Variants in PRKCI observed in about 807,000 individuals in gnomAD.
PRKCI encodes protein kinase C iota type.
Under a neutral mutation model 84.0 loss-of-function variants are expected in PRKCI, and 43 were observed. The ratio of observed to expected loss-of-function variants is 0.51; its 90% CI spans 0.40 to 0.66. PRKCI has a LOEUF of 0.66. PRKCI is among the 30% of genes least tolerant of loss of function. PRKCI has a pLI of 0.00. For synonymous variants in PRKCI, 216 were observed against 234.4 expected (o/e 0.92, Z 0.72); for missense variants, 459 against 745.6 (o/e 0.62, Z 4.48).
At chr3:170,267,746 T>G (rs1014444804) in intron 4 of PRKCI, among the ~76,000 whole-genome samples, 169 bp from the exon 5 acceptor site, 1 of 151,984 alleles carries the variant, frequency 6.6e-6, no homozygotes, top group African/African-American at 2.4e-5. Flanking sequence ...GTGGTCTTTA[T>G]TTTTCTTTGG....
At chr3:170,291,319 C>T (rs190208672) in intron 12 of PRKCI, among the ~76,000 whole-genome samples, 3 of 152,218 alleles carry the variant, frequency 2.0e-5, no homozygotes, top group East Asian at 1.9e-4. Context: ...AAATTCAAGT[C>T]GTACCTTAAT....
At position 170,250,477 on chromosome 3, in the gene PRKCI, A is replaced by T. The variant is rs146214738; in HGVS notation, c.224-9492A>T. Among the ~76,000 whole-genome samples the T allele has an allele frequency of 2.4e-4, 27 of 112,704 alleles. No homozygotes were observed. In the East Asian group the frequency reaches 6.4e-3, roughly 27 times the overall value. The allele number at this position is 112,704 out of a possible 152,430, so 73.9% of individuals were successfully genotyped here. A position where few individuals can be genotyped will look rare whatever the true frequency, so the allele number is the denominator to read the frequency against. Reference sequence around the variant, plus strand: ...AATCTCGTGTCTATTAGCAGTTGCTACTTGTTTCCCCCCTACCCCTTTCTC... The same window carrying T: ...AATCTCGTGTCTATTAGCAGTTGCTTCTTGTTTCCCCCCTACCCCTTTCTC... On this transcript the variant is annotated intron_variant, in intron 2 of 17. Transcript: ENST00000295797.
chr3:170,267,122 G>A (rs374412110), intron 4 of PRKCI, among the ~76,000 whole-genome samples: 47 of 152,186 alleles, frequency 3.1e-4, no homozygotes, highest in African/African-American at 1.1e-3. Context: ...TTGGGTGGCG[G>A]GGGGGTGCGG....
chr3:170,241,199 T>C (rs1205763836), intron 2 of PRKCI, among the ~76,000 whole-genome samples: 4 of 152,190 alleles, frequency 2.6e-5, no homozygotes, highest in African/African-American at 4.8e-5. Flanking sequence ...TGAGGACATT[T>C]AAAATCCACT....
intron 5 of PRKCI, among the ~76,000 whole-genome samples, chr3:170,268,945 C>T (rs6778371): frequency 0.017 from 2,572 of 152,084 alleles, 46 homozygotes; most frequent in East Asian, 0.085. Context: ...GACAGAGTCC[C>T]GCTCTATCGC....
intron 7 of PRKCI, among the ~76,000 whole-genome samples, chr3:170,274,200 C>T (rs1384017747): frequency 1.3e-5 from 2 of 151,996 alleles, no homozygotes; most frequent in South Asian, 2.1e-4. Flanking sequence ...GGCGTGATCT[C>T]GGCTCACTGC....
chr3:170,277,086 C>CAA (rs36053479), intron 8 of PRKCI, among the ~76,000 whole-genome samples: 2,301 of 128,334 alleles, frequency 0.018, 96 homozygotes, highest in East Asian at 0.12. Flanking sequence ...ACTAAAAATA[C>CAA]AAAAAAAAAA....
chr3:170,242,106 T>C (rs1310903904), intron 2 of PRKCI, among the ~76,000 whole-genome samples: 1 of 151,884 alleles, frequency 6.6e-6, no homozygotes, highest in East Asian at 1.9e-4. Flanking sequence ...CAAAACTCCG[T>C]CTCAAAAAAA....
intron 6 of PRKCI, among the ~76,000 whole-genome samples, chr3:170,272,734 A>G (rs1425469892): frequency 6.6e-6 from 1 of 152,206 alleles, no homozygotes; most frequent in Non-Finnish European, 1.5e-5. Flanking sequence ...ATAAATCAGT[A>G]ATAACTTGGG....
intron 3 of PRKCI, among the ~76,000 whole-genome samples, chr3:170,260,403 C>T (rs1243456298): frequency 6.6e-6 from 1 of 152,108 alleles, no homozygotes; most frequent in Admixed American, 6.6e-5. Context: ...TAATGACCTC[C>T]AAAGGTAAGG....
At chr3:170,239,179 T>C (rs1012104658) in intron 2 of PRKCI, among the ~76,000 whole-genome samples, 1 of 152,238 alleles carries the variant, frequency 6.6e-6, no homozygotes, top group African/African-American at 2.4e-5. Flanking sequence ...TCATAAACAT[T>C]TTTAAAGATC....
In PRKCI at chr3:170,293,455, T is replaced by G; in HGVS notation, c.1364T>G (p.Ile455Ser). 6.2e-7 allele frequency: 1 copy of G among 1,613,672 alleles called. No homozygotes were observed. The highest frequency in any genetic ancestry group is 8.5e-7 in the Non-Finnish European group (1 of 1,179,626). Residue 455 changes from isoleucine (I) to serine (S), a missense_variant, in exon 14 of 18, where the codon ATT becomes AGT. By Grantham distance (142) the Ile-to-Ser change is moderately radical. This residue lies in a region of PRKCI where 209 missense variants were observed against 425.9 expected (regional missense o/e 0.49). Coordinates refer to ENST00000295797, the MANE Select transcript of PRKCI (RefSeq NM_002740.6). The stretch of plus-strand genomic sequence containing the variant: ...ATGGCAGGAAGGTCTCCATTTGATA[T>G]TGTTGGGAGCTCCGATAACCCTGAC... ...EMMAGRSPFD[I>S]VGSSDNPDQN...
chr3:170,290,488 C>G (rs1184692224), intron 12 of PRKCI, among the ~76,000 whole-genome samples: 1 of 151,888 alleles, frequency 6.6e-6, no homozygotes, highest in Non-Finnish European at 1.5e-5. Flanking sequence ...TCACTCCACA[C>G]ACACATATAG....
intron 2 of PRKCI, among the ~76,000 whole-genome samples, chr3:170,249,896 A>C (rs185299591): frequency 1.6e-4 from 25 of 152,094 alleles, no homozygotes; most frequent in African/African-American, 6.0e-4. Flanking sequence ...GAATTACTTT[A>C]TTTCTTTGAG....
chr3:170,290,983 A>G (rs1734536260), intron 12 of PRKCI, among the ~76,000 whole-genome samples: 1 of 152,180 alleles, frequency 6.6e-6, no homozygotes, highest in South Asian at 2.1e-4. Flanking sequence ...CTAAAAATAC[A>G]AAATTAGTTG....
chr3:170,266,808 C>T (rs527729083), intron 4 of PRKCI, among the ~76,000 whole-genome samples: 13 of 152,248 alleles, frequency 8.5e-5, no homozygotes, highest in East Asian at 5.8e-4. Context: ...GCCTGGCCAA[C>T]GTGGCAAAAC....
chr3:170,270,402 G>A lies in PRKCI; in HGVS notation c.451-19G>A. On this transcript the variant is annotated intron_variant, in intron 5 of 17. Coordinates refer to ENST00000295797, the MANE Select transcript of PRKCI (RefSeq NM_002740.6). The stretch of plus-strand genomic sequence containing the variant: ...TGACCTTCTTGGTTAATAAAATATT[G>A]TTGAATTACTCTTTTCAGCGTGCTC... The A allele has an allele frequency of 6.3e-7, 1 of 1,577,206 alleles. No individual in the cohort carries two copies. The highest frequency in any genetic ancestry group is 8.6e-7 in the Non-Finnish European group (1 of 1,156,864).
intron 1 of PRKCI, among the ~76,000 whole-genome samples, chr3:170,230,573 AC>A (rs1368227974): frequency 2.0e-5 from 3 of 152,126 alleles, no homozygotes; most frequent in African/African-American, 7.2e-5. Context: ...CAAGTGATTC[AC>A]CCGCTGTGGC....
rs961288557 is a variant in PRKCI at position 170,235,255 on chromosome 3, C to A, written c.127C>A (p.Pro43Thr). 6.2e-7 allele frequency: 1 copy of A among 1,613,854 alleles called. No homozygotes were observed. Among genetic ancestry groups the A allele is most frequent in the Non-Finnish European group, 8.5e-7 (1 of 1,179,814 alleles). The change falls in exon 2 of 18, where the codon CCT (proline) becomes ACT (threonine). Residue 43 changes from proline (P) to threonine (T), a missense_variant. Coordinates refer to ENST00000295797, the MANE Select transcript of PRKCI (RefSeq NM_002740.6). ...RGDIMITHFE[P>T]SISFEGLCNE... ...GGATATCATGATAACACATTTTGAA[C>A]CTTCCATCTCCTTTGAGGGCCTTTG...
Sources: gnomAD v4.1 joint callset for allele counts (sites outside exome capture counted in the v4.1 genomes callset) on GRCh38, gnomAD v4.1.1 for gene constraint, gnomAD v4.1.1 regional missense constraint, MANE v1.5 for transcripts, NCBI Gene and HGNC (gene_info 2026-07-23, HGNC 2026-07-21) for gene names.